The following PCDH15 variants were observed in gnomAD, a reference collection of about 807,000 sequenced individuals.
PCDH15 encodes the protein protocadherin related 15.
PCDH15 carries 129 observed loss-of-function variants against 178.5 expected under a neutral mutation model. That is an observed-to-expected ratio of 0.72 (90% CI 0.63 to 0.84). PCDH15 has a LOEUF of 0.84. PCDH15 is among the 40% of genes least tolerant of loss of function. The probability of loss-of-function intolerance (pLI) is 0.00; values close to 1 mark genes in which losing one functional copy is unlikely to be tolerated. For synonymous variants in PCDH15, 800 were observed against 732.0 expected (o/e 1.09, Z -1.50); for missense variants, 2,230 against 2,099.9 (o/e 1.06, Z -1.21).
At chr10:55,238,261 T>C (rs1022188340) in intron 1 of PCDH15, among the ~76,000 whole-genome samples, 1 of 150,630 alleles carries the variant, frequency 6.6e-6, no homozygotes, top group African/African-American at 2.4e-5. Flanking sequence ...GCCATTCTCC[T>C]GCCTCAGCCT....
chr10:54,230,256 T>C (rs537323609), intron 9 of PCDH15, among the ~76,000 whole-genome samples: 1 of 152,164 alleles, frequency 6.6e-6, no homozygotes, highest in South Asian at 2.1e-4. Context: ...CCTTGGGGGA[T>C]ATATTTAAGG....
chr10:54,487,578 C>G (rs2137046462), intron 3 of PCDH15, among the ~76,000 whole-genome samples: 1 of 152,104 alleles, frequency 6.6e-6, no homozygotes, highest in Non-Finnish European at 1.5e-5. Flanking sequence ...TGGTGTCTTT[C>G]AGTCAAAATA....
At chr10:55,489,548 A>T (rs1840369113) in intron 2 of PCDH15, among the ~76,000 whole-genome samples, 1 of 151,698 alleles carries the variant, frequency 6.6e-6, no homozygotes, top group African/African-American at 2.4e-5. Context: ...TCTGGTATGG[A>T]AAGCTACCTC....
intron 3 of PCDH15, among the ~76,000 whole-genome samples, chr10:54,443,816 C>T (rs929808363): frequency 6.6e-6 from 1 of 151,606 alleles, no homozygotes; most frequent in African/African-American, 2.4e-5. Context: ...CCTGGCTGCT[C>T]TGACTTCCAT....
intron 5 of PCDH15, among the ~76,000 whole-genome samples, chr10:54,359,685 CAG>C (rs1367343826): frequency 1.8e-4 from 27 of 151,838 alleles, no homozygotes; most frequent in Non-Finnish European, 2.8e-4. Context: ...TAGAATGAAA[CAG>C]AGTAAACAGA....
At chr10:54,975,952 G>C (rs1335273077) in intron 2 of PCDH15, among the ~76,000 whole-genome samples, 1 of 151,984 alleles carries the variant, frequency 6.6e-6, no homozygotes, top group Non-Finnish European at 1.5e-5. Context: ...AAATTTTATT[G>C]TCCTTAAGTT....
intron 2 of PCDH15, among the ~76,000 whole-genome samples, chr10:54,963,957 G>C (rs1330158220): frequency 6.6e-6 from 1 of 152,140 alleles, no homozygotes; most frequent in Admixed American, 6.5e-5. Flanking sequence ...ATCTCCTGAA[G>C]AGGCTAAAAC....
chr10:55,099,582 C>T (rs1043001755), intron 2 of PCDH15, among the ~76,000 whole-genome samples: 10 of 151,936 alleles, frequency 6.6e-5, no homozygotes, highest in African/African-American at 2.4e-4. Flanking sequence ...ATCTTCATTC[C>T]ACATTACAGC....
At chr10:54,059,113 CA>C (rs1203609036) in intron 18 of PCDH15, among the ~76,000 whole-genome samples, 1 of 152,176 alleles carries the variant, frequency 6.6e-6, no homozygotes, top group Non-Finnish European at 1.5e-5. Context: ...TCCATGAGAA[CA>C]ACTTTTTCAG....
chr10:54,507,900 GCA>G (rs768491628), intron 3 of PCDH15, among the ~76,000 whole-genome samples: 1 of 151,896 alleles, frequency 6.6e-6, no homozygotes, highest in Non-Finnish European at 1.5e-5. Flanking sequence ...GATACTCATA[GCA>G]CAAATATTAT....
At chr10:53,988,140 G>A (rs1378429432) in intron 21 of PCDH15, among the ~76,000 whole-genome samples, 2 of 152,144 alleles carry the variant, frequency 1.3e-5, no homozygotes, top group South Asian at 2.1e-4. Context: ...AAGCAGCTGC[G>A]GCAACTCAAT....
intron 35 of PCDH15, among the ~76,000 whole-genome samples, chr10:53,814,962 C>CAA (rs34460612): frequency 0.067 from 5,911 of 87,710 alleles, 207 homozygotes; most frequent in East Asian, 0.11. Context: ...GAATCTGTCT[C>CAA]AAAAAAAAAA....
At chr10:55,341,762 CATATATATATATATATATATAT>C (rs775413614) in intron 2 of PCDH15, among the ~76,000 whole-genome samples, 7 of 44,028 alleles carry the variant, frequency 1.6e-4, no homozygotes, top group Non-Finnish European at 2.1e-4. Context: ...CATACATATG[CATATATATATATATATATATAT>C]ATATATATAT....
rs750530478 is a variant in PCDH15 at position 53,807,002 on chromosome 10, G to A, written c.4800C>T (p.Asn1600=). The part of the protein sequence containing the change: ...LHHPSIHSNI[N]GNIYIAQNGS... ...CATTCTGTGCAATATATATATTGCC[G>A]TTGATATTACTGTGGATACTAGGAT... is the stretch of plus-strand genomic sequence containing the variant. Residue 1600 remains asparagine (N), a synonymous_variant, in exon 38 of 38, where the codon AAC becomes AAT. Coordinates refer to ENST00000644397, the MANE Select transcript of PCDH15 (RefSeq NM_001384140.1). 1.3e-5 allele frequency: 21 copies of A among 1,613,520 alleles called. No individual in the cohort carries two copies. Among genetic ancestry groups the A allele is most frequent in the South Asian group, 6.6e-5 (6 of 91,082 alleles).
At chr10:53,810,513 T>C in intron 37 of PCDH15, 43 bp downstream of exon 37, 1 of 1,560,874 alleles carries the variant, frequency 6.4e-7, no homozygotes, top group African/African-American at 1.4e-5. Context: ...AAACAATATT[T>C]TTCTTGGAAT....
At chr10:54,938,887 A>G (rs1386827005) in intron 2 of PCDH15, among the ~76,000 whole-genome samples, 4 of 152,144 alleles carry the variant, frequency 2.6e-5, no homozygotes, top group Admixed American at 2.6e-4. Flanking sequence ...AAAATGGAGA[A>G]AGGGGCCATA....
intron 1 of PCDH15, among the ~76,000 whole-genome samples, chr10:54,795,337 A>C (rs1951847273): frequency 6.6e-6 from 1 of 151,948 alleles, no homozygotes; most frequent in South Asian, 2.1e-4. Context: ...AGGACAAAAT[A>C]AATGTCCATT....
intron 2 of PCDH15, among the ~76,000 whole-genome samples, chr10:55,529,032 G>T (rs1841382426): frequency 6.6e-6 from 1 of 152,094 alleles, no homozygotes; most frequent in African/African-American, 2.4e-5. Flanking sequence ...CTTCTTTTGA[G>T]AAGTGTCTGT....
intron 15 of PCDH15, among the ~76,000 whole-genome samples, chr10:54,105,782 C>G (rs1256467549): frequency 6.6e-6 from 1 of 152,068 alleles, no homozygotes; most frequent in Admixed American, 6.6e-5. Context: ...CAATTCCATT[C>G]TTAGGTTTCT....
Sources: allele counts gnomAD v4.1 joint callset (sites outside exome capture counted in the v4.1 genomes callset), GRCh38; gene constraint gnomAD v4.1.1; transcripts MANE v1.5; gene names NCBI Gene and HGNC (gene_info 2026-07-23, HGNC 2026-07-21).